The following CRHBP variants were observed in gnomAD, a reference collection of about 807,000 sequenced individuals.
The protein encoded by CRHBP is corticotropin-releasing hormone-binding protein.
A neutral mutation model predicts 34.9 loss-of-function variants in CRHBP; 19 were observed. The ratio of observed to expected loss-of-function variants is 0.55; its 90% CI spans 0.38 to 0.80. CRHBP has a LOEUF of 0.80. Ranked by LOEUF, CRHBP falls within the 30% of genes least tolerant of loss-of-function variation. The pLI, the probability that CRHBP is intolerant of heterozygous loss-of-function variation, is 0.00. For synonymous variants in CRHBP, 154 were observed against 153.4 expected (o/e 1.00, Z -0.03); for missense variants, 328 against 409.2 (o/e 0.80, Z 1.71).
chr5:76,953,882 C>A, intron 2 of CRHBP, 147 bp from the exon 3 acceptor site: 1 of 1,189,546 alleles, frequency 8.4e-7, no homozygotes, highest in Non-Finnish European at 1.1e-6. Context: ...GCGCCCGGGG[C>A]GCAGGAACCC....
rs139860688 is a variant in CRHBP at position 76,959,301 on chromosome 5, A to G, written c.693+412A>G. ...TTGACATGAAGGAAGTATCTCATTG[A>G]CAGAACTGCGTTGTGAAGGAGTGCT... On this transcript the variant is annotated intron_variant, in intron 5 of 6. Coordinates refer to ENST00000274368, the MANE Select transcript of CRHBP (RefSeq NM_001882.4). Among the ~76,000 whole-genome samples the G allele has an allele frequency of 6.9e-3, 1,059 of 152,380 alleles. 17 individuals carry two copies. Among genetic ancestry groups the G allele is most frequent in the African/African-American group, 0.024 (1,003 of 41,594 alleles).
At chr5:76,978,444 G>A (rs1469948122) in intron 3 of CRHBP, among the ~76,000 whole-genome samples, 1 of 152,172 alleles carries the variant, frequency 6.6e-6, no homozygotes, top group African/African-American at 2.4e-5. Flanking sequence ...CTCTGTCTGG[G>A]CTCTAAAGGA....
At chr5:76,956,393 C>T (rs543448203) in intron 4 of CRHBP, among the ~76,000 whole-genome samples, 15 of 152,336 alleles carry the variant, frequency 9.8e-5, no homozygotes, top group Admixed American at 7.2e-4. Context: ...TGGACACACA[C>T]GTAGCTTATG....
intron 1 of CRHBP, 127 bp downstream of exon 1, chr5:76,953,342 G>T (rs1323750748): frequency 5.3e-6 from 5 of 950,490 alleles, no homozygotes; most frequent in Non-Finnish European, 8.2e-6. Context: ...ATGCTGTCTT[G>T]CCCCTGGTTT....
chr5:76,955,151 G>T (rs937138273), intron 3 of CRHBP, among the ~76,000 whole-genome samples: 1 of 152,172 alleles, frequency 6.6e-6, no homozygotes, highest in Non-Finnish European at 1.5e-5. Context: ...AATATGTGAT[G>T]ATATTTTTAA....
chr5:76,963,368 TAGG>T lies in CRHBP; in HGVS notation c.722_724del (p.Gly241del), dbSNP rs1242584905. The T allele has an allele frequency of 6.2e-7, 1 of 1,614,058 alleles. No individual in the cohort carries two copies. The highest frequency in any genetic ancestry group is 8.5e-7 in the Non-Finnish European group (1 of 1,180,038). ...AAATCCTCAGCAGGTTGCGAGGGAA[TAGG>T]AGACTTTGTGGAGCTGCTGGGAGGA... On this transcript the variant is annotated inframe_deletion, in exon 6 of 7. Coordinates refer to ENST00000274368, the MANE Select transcript of CRHBP (RefSeq NM_001882.4).
At chr5:76,975,803 CAA>C (rs1158363151) in intron 2 of CRHBP, among the ~76,000 whole-genome samples, 50 of 35,220 alleles carry the variant, frequency 1.4e-3, no homozygotes, top group South Asian at 8.9e-3. Context: ...GACTCTGTCT[CAA>C]AAAAAAAAAA....
intron 5 of CRHBP, among the ~76,000 whole-genome samples, chr5:76,961,732 C>T (rs933160561): frequency 4.6e-5 from 7 of 151,880 alleles, no homozygotes; most frequent in African/African-American, 1.7e-4. Context: ...CAATGCTCTT[C>T]TGTGTTTTTT....
rs1745609185 is a variant in CRHBP, at chr5:76,953,587, A to G, written c.82-14A>G. On this transcript the variant is annotated splice_polypyrimidine_tract_variant and intron_variant, in intron 1 of 6. Transcript: ENST00000274368. ...CCCTTGAACTTTTCCGGACTGACCTATGTTTCTTGCCAGCTGAGGGAAGCG... is the reference window on the plus strand; with the variant it reads ...CCCTTGAACTTTTCCGGACTGACCTGTGTTTCTTGCCAGCTGAGGGAAGCG... The G allele has an allele frequency of 1.2e-6, 2 of 1,610,716 alleles. No individual in the cohort carries two copies. Among genetic ancestry groups the G allele is most frequent in the Non-Finnish European group, 1.7e-6 (2 of 1,178,622 alleles).
downstream of CRHBP, among the ~76,000 whole-genome samples, chr5:76,971,998 T>C (rs1328406658): frequency 6.6e-6 from 1 of 152,196 alleles, no homozygotes; most frequent in Non-Finnish European, 1.5e-5. Context: ...GCATTTTTGC[T>C]CATAGGTTTT....
At chr5:76,966,395 G>C (rs1352820613) in intron 6 of CRHBP, among the ~76,000 whole-genome samples, 1 of 152,174 alleles carries the variant, frequency 6.6e-6, no homozygotes, top group Non-Finnish European at 1.5e-5. Context: ...GGCACCCTAT[G>C]CAGATGAAGA....
intron 6 of CRHBP, among the ~76,000 whole-genome samples, chr5:76,965,717 C>T (rs1745850978): frequency 6.6e-6 from 1 of 152,182 alleles, no homozygotes; most frequent in Non-Finnish European, 1.5e-5. Flanking sequence ...CTTTTGCCTA[C>T]ATTACCTAGG....
intron 6 of CRHBP, among the ~76,000 whole-genome samples, chr5:76,965,801 C>T (rs1426988863): frequency 2.0e-5 from 3 of 152,126 alleles, no homozygotes; most frequent in Admixed American, 6.5e-5. Flanking sequence ...GACTTTATTC[C>T]GTTACTGGAA....
downstream of CRHBP, among the ~76,000 whole-genome samples, chr5:76,972,653 C>T (rs1270047091): frequency 1.3e-5 from 2 of 152,204 alleles, no homozygotes; most frequent in Admixed American, 6.5e-5. Context: ...TTTCTACCTC[C>T]TCTAATCCTG....
intron 5 of CRHBP, among the ~76,000 whole-genome samples, chr5:76,961,769 T>G (rs575464829): frequency 5.6e-4 from 86 of 152,256 alleles, no homozygotes; most frequent in African/African-American, 1.8e-3. Flanking sequence ...TTTTGTTTTT[T>G]CGGAGACAGA....
At chr5:76,962,316 C>G (rs1745790296) in intron 5 of CRHBP, among the ~76,000 whole-genome samples, 1 of 152,114 alleles carries the variant, frequency 6.6e-6, no homozygotes, top group Non-Finnish European at 1.5e-5. Flanking sequence ...GAACATTAAA[C>G]CAAGCATAGA....
At chr5:76,975,845 T>TAC (rs1554043512) in intron 2 of CRHBP, among the ~76,000 whole-genome samples, 5 of 97,640 alleles carry the variant, frequency 5.1e-5, no homozygotes, top group South Asian at 3.3e-4. Context: ...TATATATATA[T>TAC]ACACGCATAT....
chr5:76,978,167 C>G (rs1334362984), intron 3 of CRHBP, among the ~76,000 whole-genome samples: 1 of 152,104 alleles, frequency 6.6e-6, no homozygotes, highest in Non-Finnish European at 1.5e-5. Context: ...CAAGATGAAG[C>G]AGCAAGTGCT....
At chr5:76,967,126 C>T (rs1297663743) in intron 6 of CRHBP, among the ~76,000 whole-genome samples, 1 of 152,082 alleles carries the variant, frequency 6.6e-6, no homozygotes, top group Non-Finnish European at 1.5e-5. Flanking sequence ...ACTGTAATCC[C>T]AGCTACTGGA....
Sources: allele counts gnomAD v4.1 joint callset (sites outside exome capture counted in the v4.1 genomes callset), GRCh38; gene constraint gnomAD v4.1.1; transcripts MANE v1.5; gene names NCBI Gene and HGNC (gene_info 2026-07-23, HGNC 2026-07-21).